The following EYA2 variants were observed in gnomAD, a reference collection of about 807,000 sequenced individuals.
The protein encoded by EYA2 is EYA transcriptional coactivator and phosphatase 2, also known as protein phosphatase EYA2.
EYA2 carries 31 observed loss-of-function variants against 69.2 expected under a neutral mutation model. The ratio of observed to expected loss-of-function variants is 0.45; its 90% CI spans 0.34 to 0.60. The LOEUF (loss-of-function observed/expected upper bound fraction) is 0.60, where lower values mean the gene tolerates loss of function less well. EYA2 is among the 20% of genes least tolerant of loss of function. The probability of loss-of-function intolerance (pLI) is 0.02; values close to 1 mark genes in which losing one functional copy is unlikely to be tolerated. For synonymous variants in EYA2, 257 were observed against 279.4 expected (o/e 0.92, Z 0.80); for missense variants, 622 against 701.2 (o/e 0.89, Z 1.28).
At chr20:47,055,386 C>T (rs947889109) in intron 5 of EYA2, among the ~76,000 whole-genome samples, 1 of 152,312 alleles carries the variant, frequency 6.6e-6, no homozygotes, top group African/African-American at 2.4e-5. Context: ...GATCTGTTTC[C>T]ACCACACTGG....
At chr20:46,992,901 CCTG>C in intron 2 of EYA2, among the ~76,000 whole-genome samples, 1 of 152,176 alleles carries the variant, frequency 6.6e-6, no homozygotes, top group Non-Finnish European at 1.5e-5. Flanking sequence ...TGCCTCTCCC[CCTG>C]CCTGGCCTAC....
In EYA2 at chr20:47,061,172, C is replaced by G. The variant is rs139272668; in HGVS notation, c.416-11013C>G. Among the ~76,000 whole-genome samples the G allele has an allele frequency of 1.1e-3, 166 of 152,236 alleles. 2 individuals carry two copies. Among genetic ancestry groups the G allele is most frequent in the African/African-American group, 4.0e-3 (165 of 41,554 alleles). ...CCCAGCCCAACTTCATCTCTTTACT[C>G]TCCTTCTTCCCTTGTCTCTTGTCCT... On this transcript the variant is annotated intron_variant, in intron 5 of 15. Coordinates refer to ENST00000327619, the MANE Select transcript of EYA2 (RefSeq NM_005244.5).
intron 12 of EYA2, among the ~76,000 whole-genome samples, chr20:47,179,449 T>C (rs1422489001): frequency 3.8e-5 from 4 of 104,966 alleles, no homozygotes; most frequent in Non-Finnish European, 8.5e-5. Flanking sequence ...GGTGGGTGGA[T>C]GGATGGATGG....
chr20:47,141,481 G>A (rs943963254), intron 9 of EYA2, among the ~76,000 whole-genome samples: 3 of 152,190 alleles, frequency 2.0e-5, no homozygotes, highest in Non-Finnish European at 2.9e-5. Flanking sequence ...TATGTATCCA[G>A]GGGTGGAAAC....
chr20:47,020,018 C>A (rs140651093), intron 5 of EYA2, among the ~76,000 whole-genome samples: 49 of 149,408 alleles, frequency 3.3e-4, no homozygotes, highest in Non-Finnish European at 6.3e-4. Context: ...ACCTGTAGTT[C>A]CAGCTACTCA....
intron 8 of EYA2, 147 bp downstream of exon 8, chr20:47,089,528 C>G: frequency 2.1e-6 from 2 of 932,982 alleles, no homozygotes; most frequent in Non-Finnish European, 1.6e-6. Flanking sequence ...ATGAGGTTGT[C>G]CAAGCAGGTA....
intron 12 of EYA2, among the ~76,000 whole-genome samples, chr20:47,178,990 A>G (rs1287544710): frequency 2.0e-5 from 3 of 152,102 alleles, no homozygotes; most frequent in Non-Finnish European, 1.5e-5. Flanking sequence ...GTCCACCTCT[A>G]TGGTCATTGT....
chr20:47,026,727 G>A (rs960661792), intron 5 of EYA2, among the ~76,000 whole-genome samples: 2 of 152,200 alleles, frequency 1.3e-5, no homozygotes, highest in Admixed American at 6.5e-5. Context: ...GTTATAGGGA[G>A]TGGTGGGAAC....
At chr20:47,079,200 CAG>C (rs981116294) in intron 7 of EYA2, among the ~76,000 whole-genome samples, 1 of 152,178 alleles carries the variant, frequency 6.6e-6, no homozygotes, top group Non-Finnish European at 1.5e-5. Context: ...ATGGTACAAT[CAG>C]AAATGTTTGG....
chr20:47,133,733 G>A (rs1480059343), intron 9 of EYA2, among the ~76,000 whole-genome samples: 2 of 152,166 alleles, frequency 1.3e-5, no homozygotes, highest in African/African-American at 4.8e-5. Flanking sequence ...GGGGAGCACG[G>A]ACACTCCACC....
At chr20:46,915,864 CT>C (rs1197065630) in intron 1 of EYA2, among the ~76,000 whole-genome samples, 1 of 152,130 alleles carries the variant, frequency 6.6e-6, no homozygotes, top group Non-Finnish European at 1.5e-5. Context: ...ACCCCCGGAC[CT>C]GGGGGCTCAA....
intron 2 of EYA2, among the ~76,000 whole-genome samples, chr20:46,995,950 A>C (rs941402108): frequency 6.6e-6 from 1 of 152,218 alleles, no homozygotes; most frequent in African/African-American, 2.4e-5. Context: ...ACTGAGACTC[A>C]GAGGGAAGAG....
intron 2 of EYA2, among the ~76,000 whole-genome samples, chr20:47,000,413 C>T (rs979552202): frequency 6.6e-6 from 1 of 152,298 alleles, no homozygotes; most frequent in South Asian, 2.1e-4. Flanking sequence ...GAGCCTCCAG[C>T]GCAGAGGCTG....
Position 47,180,716 on chromosome 20 carries a change from G to T in EYA2, c.1314-99G>T. The T allele has an allele frequency of 3.4e-6, 5 of 1,467,384 alleles. No homozygotes were observed. In the South Asian group the frequency reaches 3.9e-5, roughly 11 times the overall value. The allele number at this position is 1,467,384 out of a possible 1,614,324, so 90.9% of individuals were successfully genotyped here. A position where few individuals can be genotyped will look rare whatever the true frequency, so the allele number is the denominator to read the frequency against. On this transcript the variant is annotated intron_variant, in intron 13 of 15. Coordinates refer to ENST00000327619, the MANE Select transcript of EYA2 (RefSeq NM_005244.5). ...TGAAGATGACAGCCATAGCCTCCAA[G>T]CCTACCAGATTTCCCGCCAACTGCA...
intron 7 of EYA2, among the ~76,000 whole-genome samples, chr20:47,083,156 C>A (rs2031780334): frequency 1.3e-5 from 2 of 151,912 alleles, no homozygotes; most frequent in Non-Finnish European, 2.9e-5. Flanking sequence ...TACCACTGTA[C>A]TCCAGCCTGG....
Position 47,188,652 on chromosome 20 carries a change from A to G in EYA2, c.*519A>G, listed in dbSNP as rs539451825. 1.9e-5 allele frequency: 6 copies of G among 323,830 alleles called. No homozygotes were observed. The South Asian group carries it at 7.7e-4, about 41-fold the overall frequency. The allele number at this position is 323,830 out of a possible 1,614,324, so 20.1% of individuals were successfully genotyped here. On this transcript the variant is annotated 3_prime_UTR_variant, in exon 16 of 16. Coordinates refer to ENST00000327619, the MANE Select transcript of EYA2 (RefSeq NM_005244.5). ...TGGGGACAATCATTCTTTGAACATT[A>G]GAGAGGAAGGCAGTTCAAGCTGTTG...
chr20:47,060,148 A>T (rs993022138), intron 5 of EYA2, among the ~76,000 whole-genome samples: 2 of 152,242 alleles, frequency 1.3e-5, no homozygotes, highest in African/African-American at 4.8e-5. Flanking sequence ...GTGTTCTATC[A>T]GTGAGGAATG....
chr20:47,016,597 G>A (rs1356630644), intron 5 of EYA2, among the ~76,000 whole-genome samples: 3 of 152,224 alleles, frequency 2.0e-5, no homozygotes, highest in African/African-American at 7.2e-5. Flanking sequence ...CAGGAAAGGT[G>A]AGATTTGTGA....
chr20:46,954,994 C>A (rs189329560), intron 1 of EYA2, among the ~76,000 whole-genome samples: 1 of 152,302 alleles, frequency 6.6e-6, no homozygotes, highest in Non-Finnish European at 1.5e-5. Flanking sequence ...GATGTCGGCA[C>A]GTCCTGCAGG....
Sources: gnomAD v4.1 joint callset for allele counts (sites outside exome capture counted in the v4.1 genomes callset) on GRCh38, gnomAD v4.1.1 for gene constraint, MANE v1.5 for transcripts, NCBI Gene and HGNC (gene_info 2026-07-23, HGNC 2026-07-21) for gene names.